The following ERC1 variants were observed in gnomAD, a reference collection of about 807,000 sequenced individuals.
The protein encoded by ERC1 is ELKS/RAB6-interacting/CAST family member 1.
A neutral mutation model predicts 132.0 loss-of-function variants in ERC1; 56 were observed. That is an observed-to-expected ratio of 0.42 (90% confidence interval 0.34 to 0.53). The LOEUF (loss-of-function observed/expected upper bound fraction) is 0.53. Ranked by LOEUF, ERC1 falls within the 20% of genes least tolerant of loss-of-function variation. The pLI is 0.03. For synonymous variants in ERC1, 478 were observed against 476.1 expected, an observed-to-expected ratio of 1.00 and a Z score of -0.05; for missense variants, 1,202 against 1,349.9, an observed-to-expected ratio of 0.89 and a Z score of 1.72.
At chr12:999,630 T>TTTGG (rs11379712) in intron 1 of ERC1, among the ~76,000 whole-genome samples, 2 of 150,006 alleles carry the variant, frequency 1.3e-5, no homozygotes, top group African/African-American at 2.5e-5. Context: ...TTTTTTTTTT[T>TTTGG]GAGATGGAGT....
intron 15 of ERC1, among the ~76,000 whole-genome samples, chr12:1,368,446 A>G (rs11061713): frequency 0.11 from 17,301 of 152,126 alleles, 2,441 homozygotes; most frequent in African/African-American, 0.33. Flanking sequence ...AATTTTTTCA[A>G]TTTGCTTTTT....
intron 12 of ERC1, among the ~76,000 whole-genome samples, chr12:1,191,745 G>C (rs1314903874): frequency 6.6e-6 from 1 of 151,814 alleles, no homozygotes; most frequent in Non-Finnish European, 1.5e-5. Flanking sequence ...TCTTTCCACA[G>C]AATGTAACTC....
intron 1 of ERC1, among the ~76,000 whole-genome samples, chr12:1,023,478 T>C (rs1020241342): frequency 2.1e-4 from 32 of 152,152 alleles, no homozygotes; most frequent in East Asian, 1.9e-3. Flanking sequence ...GGAGTTCAGT[T>C]TGGGGGCATG....
chr12:1,104,202 C>A (rs1457377671), intron 3 of ERC1, among the ~76,000 whole-genome samples: 2 of 151,568 alleles, frequency 1.3e-5, no homozygotes, highest in Admixed American at 1.3e-4. Flanking sequence ...TCAACAGTGT[C>A]ATGTTTTTCT....
chr12:1,298,402 G>T (rs1566520547), intron 15 of ERC1, among the ~76,000 whole-genome samples: 1 of 151,888 alleles, frequency 6.6e-6, no homozygotes, highest in African/African-American at 2.4e-5. Flanking sequence ...AACTAGCCGG[G>T]TGTGGTGGCG....
chr12:1,390,174 G>A (rs2089824323), intron 16 of ERC1, among the ~76,000 whole-genome samples: 1 of 151,940 alleles, frequency 6.6e-6, no homozygotes. Flanking sequence ...AATTATAGTA[G>A]TAAACACTGG....
At chr12:1,144,273 A>G (rs1349114551) in intron 8 of ERC1, among the ~76,000 whole-genome samples, 5 of 152,162 alleles carry the variant, frequency 3.3e-5, no homozygotes, top group East Asian at 1.9e-4. Flanking sequence ...TTGTTTCAGT[A>G]GTTTTTGGAG....
intron 11 of ERC1, 67 bp from the exon 12 acceptor site, chr12:1,189,788 ATTGT>A: frequency 8.3e-7 from 1 of 1,200,616 alleles, no homozygotes; most frequent in Non-Finnish European, 1.2e-6. Flanking sequence ...AATATAAATC[ATTGT>A]TTGGGACATG....
At chr12:1,430,926 A>G (rs981896732) in intron 17 of ERC1, 1 of 152,222 alleles carries the variant, frequency 6.6e-6, no homozygotes, top group Non-Finnish European at 1.5e-5. Flanking sequence ...AGAAGAGTTT[A>G]TAAGTGAGAA....
At chr12:1,310,700 T>C (rs1179564922) in intron 15 of ERC1, among the ~76,000 whole-genome samples, 1 of 152,252 alleles carries the variant, frequency 6.6e-6, no homozygotes, top group Admixed American at 6.5e-5. Flanking sequence ...TGCCAAAGAT[T>C]TTCCGTATTT....
intron 12 of ERC1, among the ~76,000 whole-genome samples, chr12:1,198,562 T>C (rs529028692): frequency 6.6e-6 from 1 of 152,366 alleles, no homozygotes; most frequent in Non-Finnish European, 1.5e-5. Context: ...TTATCTTCTT[T>C]GCTAACCATC....
At chr12:1,073,052 A>G (rs780659297) in intron 2 of ERC1, among the ~76,000 whole-genome samples, 4 of 152,070 alleles carry the variant, frequency 2.6e-5, no homozygotes, top group Non-Finnish European at 1.5e-5. Context: ...CTGTAATCCC[A>G]GCACTTTGGG....
At chr12:1,183,235 A>G (rs769193173) in intron 10 of ERC1, 46 bp from the exon 11 acceptor site, 28 of 774,014 alleles carry the variant, frequency 3.6e-5, no homozygotes, top group Non-Finnish European at 4.7e-5. Context: ...TTAAACCTCT[A>G]TTTTTTTTAA....
rs530636111 is a variant in ERC1 at position 1,027,033 on chromosome 12, TA to T, written c.-156-713del. ...TTGTCTTCTCATCCATGAACACAGA[TA>T]ACTTTGTTTAGGTGTTCTTTCATGT... On this transcript the variant is annotated intron_variant, in intron 1 of 18. Coordinates refer to ENST00000360905, the MANE Select transcript of ERC1 (RefSeq NM_178040.4). 7.9e-5 allele frequency among the ~76,000 whole-genome samples: 12 copies of T among 152,354 alleles called. No homozygotes were observed. In the East Asian group the frequency reaches 1.9e-3, roughly 24 times the overall value.
At chr12:1,140,144 A>T (rs1009488739) in intron 7 of ERC1, among the ~76,000 whole-genome samples, 2 of 152,282 alleles carry the variant, frequency 1.3e-5, no homozygotes, top group South Asian at 4.1e-4. Flanking sequence ...ACTATGGTTT[A>T]TCTACATGTT....
intron 16 of ERC1, among the ~76,000 whole-genome samples, chr12:1,405,466 G>C (rs549981044): frequency 1.3e-5 from 2 of 150,736 alleles, no homozygotes; most frequent in South Asian, 4.2e-4. Flanking sequence ...CACTTTGGGA[G>C]GCCAAAGCAG....
chr12:1,420,549 G>A (rs537653555), intron 17 of ERC1, among the ~76,000 whole-genome samples: 18 of 152,172 alleles, frequency 1.2e-4, no homozygotes, highest in Middle Eastern at 3.4e-3. Flanking sequence ...TCTGCCTCCC[G>A]AGTTCACACT....
chr12:1,236,433 G>A (rs1455447539), intron 12 of ERC1, among the ~76,000 whole-genome samples: 4 of 152,032 alleles, frequency 2.6e-5, no homozygotes, highest in African/African-American at 9.7e-5. Context: ...TCAGTGCGTC[G>A]ATGTCAAAAA....
chr12:1,035,451 T>G (rs886110794), intron 2 of ERC1, among the ~76,000 whole-genome samples: 9 of 152,248 alleles, frequency 5.9e-5, no homozygotes, highest in Non-Finnish European at 1.3e-4. Context: ...AATTTTTATG[T>G]CTCATCCTTT....
Sources: gnomAD v4.1 joint callset for allele counts (sites outside exome capture counted in the v4.1 genomes callset) on GRCh38, gnomAD v4.1.1 for gene constraint, MANE v1.5 for transcripts, NCBI Gene and HGNC (gene_info 2026-07-23, HGNC 2026-07-21) for gene names.